The following VPS54 variants were observed in gnomAD, a reference collection of about 807,000 sequenced individuals.
The protein encoded by VPS54 is vacuolar protein sorting-associated protein 54.
VPS54 carries 45 observed loss-of-function variants against 121.5 expected under a neutral mutation model. The ratio of observed to expected loss-of-function variants is 0.37; its 90% CI spans 0.29 to 0.47. The LOEUF (loss-of-function observed/expected upper bound fraction) is 0.47. Ranked by LOEUF, VPS54 falls within the 20% of genes least tolerant of loss-of-function variation. The pLI is 0.99. For missense variants in VPS54, 1,090 were observed against 1,131.4 expected (o/e 0.96, Z 0.52); for synonymous variants, 371 against 385.8 (o/e 0.96, Z 0.45).
At chr2:63,958,458 G>T (rs936192312) in intron 7 of VPS54, among the ~76,000 whole-genome samples, 1 of 152,208 alleles carries the variant, frequency 6.6e-6, no homozygotes, top group African/African-American at 2.4e-5. Flanking sequence ...ATTTGCATTT[G>T]TGGTAATTTA....
At chr2:63,916,995 G>C (rs199516604) in intron 15 of VPS54, 32 bp from the exon 16 acceptor site, 3 of 1,609,002 alleles carry the variant, frequency 1.9e-6, no homozygotes, top group African/African-American at 2.7e-5. Context: ...CGAGAGACAA[G>C]AGTACCAGAC....
chr2:63,963,438 G>A (rs898508909), intron 6 of VPS54, among the ~76,000 whole-genome samples: 3 of 151,768 alleles, frequency 2.0e-5, no homozygotes, highest in Non-Finnish European at 4.4e-5. Flanking sequence ...TTTACTTTGA[G>A]ATTTTTTAAC....
At chr2:63,997,149 A>G (rs1386154969) in intron 1 of VPS54, among the ~76,000 whole-genome samples, 1 of 152,172 alleles carries the variant, frequency 6.6e-6, no homozygotes, top group Non-Finnish European at 1.5e-5. Context: ...CCCGTTAGAC[A>G]TAGGCCTGCA....
chr2:64,011,709 C>T (rs1005979965), intron 1 of VPS54, among the ~76,000 whole-genome samples: 17 of 152,062 alleles, frequency 1.1e-4, no homozygotes, highest in African/African-American at 3.9e-4. Context: ...GCCACTGATA[C>T]GATTGTATTA....
At chr2:64,016,429 A>G (rs1678696159) in intron 1 of VPS54, among the ~76,000 whole-genome samples, 1 of 152,172 alleles carries the variant, frequency 6.6e-6, no homozygotes. Context: ...AAAGGCCCAC[A>G]TTAGGCCAAT....
intron 12 of VPS54, among the ~76,000 whole-genome samples, chr2:63,925,252 A>G (rs1460843370): frequency 6.6e-6 from 1 of 152,234 alleles, no homozygotes. Flanking sequence ...CACTTCATAG[A>G]AAAGGACATC....
intron 22 of VPS54, among the ~76,000 whole-genome samples, chr2:63,894,485 TGAGCTC>T (rs1672356311): frequency 6.6e-6 from 1 of 152,126 alleles, no homozygotes; most frequent in African/African-American, 2.4e-5. Flanking sequence ...GAGGATCACC[TGAGCTC>T]AGGAGTTTAA....
At chr2:63,995,081 T>C (rs1403335088) in intron 1 of VPS54, among the ~76,000 whole-genome samples, 1 of 152,194 alleles carries the variant, frequency 6.6e-6, no homozygotes, top group African/African-American at 2.4e-5. Flanking sequence ...CCCACAACTT[T>C]AGAAATTGGC....
chr2:63,964,809 A>T (rs772833513), intron 6 of VPS54, among the ~76,000 whole-genome samples: 3 of 152,224 alleles, frequency 2.0e-5, no homozygotes, highest in Non-Finnish European at 4.4e-5. Context: ...GCCAGGGGAT[A>T]TCACTAAAGT....
At chr2:63,947,589 A>C in intron 8 of VPS54, 99 bp from the exon 9 acceptor site, 1 of 1,022,868 alleles carries the variant, frequency 9.8e-7, no homozygotes, top group Non-Finnish European at 1.3e-6. Flanking sequence ...TGATCCTCAG[A>C]TCTCTATCCT....
intron 7 of VPS54, among the ~76,000 whole-genome samples, chr2:63,952,548 C>T (rs1317426923): frequency 6.6e-6 from 1 of 152,012 alleles, no homozygotes; most frequent in Non-Finnish European, 1.5e-5. Context: ...TTAGTTAAAA[C>T]CATTTGACCT....
At chr2:63,970,274 G>GAT (rs1168490334) in intron 4 of VPS54, among the ~76,000 whole-genome samples, 3 of 137,918 alleles carry the variant, frequency 2.2e-5, no homozygotes, top group East Asian at 2.0e-4. Flanking sequence ...GATATATATA[G>GAT]ATATATATAG....
At chr2:63,959,968 C>T (rs540192572) in intron 7 of VPS54, among the ~76,000 whole-genome samples, 2 of 152,050 alleles carry the variant, frequency 1.3e-5, no homozygotes, top group South Asian at 4.2e-4. Context: ...TGCAGTGAAC[C>T]GAGATCGTGC....
chr2:63,943,667 T>C (rs1193997634), intron 10 of VPS54, among the ~76,000 whole-genome samples: 1 of 152,034 alleles, frequency 6.6e-6, no homozygotes, highest in Non-Finnish European at 1.5e-5. Flanking sequence ...CATAAAATAT[T>C]ATCACTATTC....
intron 1 of VPS54, among the ~76,000 whole-genome samples, chr2:64,007,818 C>G (rs924960152): frequency 3.9e-5 from 6 of 152,218 alleles, no homozygotes; most frequent in Admixed American, 2.6e-4. Context: ...GAAGATGTGT[C>G]AGGAAGTAAA....
chr2:64,009,151 T>G (rs1678309947), intron 1 of VPS54, among the ~76,000 whole-genome samples: 1 of 152,208 alleles, frequency 6.6e-6, no homozygotes, highest in Admixed American at 6.5e-5. Flanking sequence ...TGCTTTCCTC[T>G]TCTGTCTTTG....
At chr2:63,947,629 C>G (rs1675042217) in intron 8 of VPS54, 139 bp from the exon 9 acceptor site, 2 of 715,192 alleles carry the variant, frequency 2.8e-6, no homozygotes, top group African/African-American at 3.6e-5. Context: ...AGCCTGAAAA[C>G]CCCTCCCACA....
intron 1 of VPS54, among the ~76,000 whole-genome samples, chr2:64,002,997 A>G (rs537785910): frequency 6.6e-6 from 1 of 152,244 alleles, no homozygotes; most frequent in African/African-American, 2.4e-5. Context: ...GGATTTATTC[A>G]TAAGATGTAG....
At chr2:63,906,290 A>G (rs1368677439) in intron 20 of VPS54, among the ~76,000 whole-genome samples, 4 of 152,224 alleles carry the variant, frequency 2.6e-5, no homozygotes, top group Non-Finnish European at 5.9e-5. Context: ...GAATCTACAA[A>G]ATTGGCATTG....
Sources: gnomAD v4.1 joint callset for allele counts (sites outside exome capture counted in the v4.1 genomes callset) on GRCh38, gnomAD v4.1.1 for gene constraint, MANE v1.5 for transcripts, NCBI Gene and HGNC (gene_info 2026-07-23, HGNC 2026-07-21) for gene names.